CD200R1L: variants seen among roughly 807,000 people sequenced by gnomAD.
CD200R1L encodes the protein CD200 receptor 1 like.
CD200R1L carries 14 observed loss-of-function variants against 24.8 expected under a neutral mutation model. That is an observed-to-expected ratio of 0.56 (90% CI 0.37 to 0.88). The LOEUF (loss-of-function observed/expected upper bound fraction) is 0.88. Ranked by LOEUF, CD200R1L falls within the 40% of genes least tolerant of loss-of-function variation. CD200R1L has a pLI of 0.00. For missense variants in CD200R1L, 299 were observed against 297.8 expected, an observed-to-expected ratio of 1.00 and a Z score of -0.03; for synonymous variants, 111 against 109.2, an observed-to-expected ratio of 1.02 and a Z score of -0.11.
Position 112,815,961 on chromosome 3 carries a change from C to T in CD200R1L, c.*2G>A, listed in dbSNP as rs756849029. 2.6e-6 allele frequency: 2 copies of T among 780,456 alleles called. No homozygotes were observed. Among genetic ancestry groups the T allele is most frequent in the South Asian group, 1.3e-5 (1 of 74,598 alleles). 48.3% of individuals were successfully genotyped at this position (780,456 alleles called of 1,614,324 possible). On this transcript the variant is annotated 3_prime_UTR_variant, in exon 8 of 8. Transcript: ENST00000488794. ...AAGCAAAAGAAGACCCTTCCTTCTTCTTTAAAGAACTTTTCTGAAAGTATT... is the reference window on the plus strand; with the variant it reads ...AAGCAAAAGAAGACCCTTCCTTCTTTTTTAAAGAACTTTTCTGAAAGTATT...
At chr3:112,836,951 A>G (rs545630256) in intron 3 of CD200R1L, among the ~76,000 whole-genome samples, 5 of 152,364 alleles carry the variant, frequency 3.3e-5, no homozygotes, top group Admixed American at 3.3e-4. Context: ...ACTAAATGAC[A>G]TAAAAATTAT....
chr3:112,845,234 T>G (rs9871605), intron 2 of CD200R1L, among the ~76,000 whole-genome samples: 61,149 of 151,984 alleles, frequency 0.4, 12,584 homozygotes, highest in East Asian at 0.57. Context: ...AAATACAAAA[T>G]GTCCTCGGAG....
At chr3:112,820,628 G>A (rs1169287400) in intron 6 of CD200R1L, among the ~76,000 whole-genome samples, 4 of 151,382 alleles carry the variant, frequency 2.6e-5, no homozygotes, top group East Asian at 2.0e-4. Context: ...ATGGGGTTTC[G>A]TCATGTTGGC....
Sources: gnomAD v4.1 joint callset for allele counts (sites outside exome capture counted in the v4.1 genomes callset) on GRCh38, gnomAD v4.1.1 for gene constraint, MANE v1.5 for transcripts, NCBI Gene and HGNC (gene_info 2026-07-23, HGNC 2026-07-21) for gene names.